The following NET1 variants were observed in gnomAD, a reference collection of about 807,000 sequenced individuals.
NET1 encodes neuroepithelial cell transforming 1, also known as neuroepithelial cell-transforming gene 1 protein.
NET1 carries 42 observed loss-of-function variants against 61.1 expected under a neutral mutation model. The ratio of observed to expected loss-of-function variants is 0.69; its 90% CI spans 0.54 to 0.89. The LOEUF is 0.89. NET1 is among the 40% of genes least tolerant of loss of function. The pLI is 0.00. For missense variants in NET1, 654 were observed against 747.3 expected (o/e 0.88, Z 1.46); for synonymous variants, 254 against 281.8 (o/e 0.90, Z 0.99).
Position 5,457,124 on chromosome 10 carries a change from T to G in NET1, c.*130T>G. The G allele has an allele frequency of 1.2e-5, 10 of 848,662 alleles. No individual in the cohort carries two copies. The highest frequency in any genetic ancestry group is 1.6e-5 in the Non-Finnish European group (10 of 609,474). 52.6% of individuals were successfully genotyped at this position (848,662 alleles called of 1,614,324 possible). On this transcript the variant is annotated 3_prime_UTR_variant, in exon 12 of 12. Transcript: ENST00000355029. This position sits in a 1 kb window ranked among gnomAD's most constrained non-coding sequence, Gnocchi z 5.4. Reference sequence around the variant, plus strand: ...GTAACATTTTCATTGTTTTTGGTTGTTCTTTTTTCTTTTTTTAATGGCAGC... The same window carrying G: ...GTAACATTTTCATTGTTTTTGGTTGGTCTTTTTTCTTTTTTTAATGGCAGC...
chr10:5,445,601 C>T (rs1242129417), intron 3 of NET1, among the ~76,000 whole-genome samples: 1 of 152,148 alleles, frequency 6.6e-6, no homozygotes, highest in East Asian at 1.9e-4. Flanking sequence ...TAAAATTTTA[C>T]CATTCCAAAT....
In NET1 at chr10:5,456,766, G is replaced by T; in HGVS notation, c.1563G>T (p.Glu521Asp). The T allele has an allele frequency of 6.2e-7, 1 of 1,613,820 alleles. No homozygotes were observed. Among genetic ancestry groups the T allele is most frequent in the Non-Finnish European group, 8.5e-7 (1 of 1,179,870 alleles). The change falls in exon 12 of 12, where the codon GAG becomes GAT. Residue 521 changes from glutamate (E) to aspartate (D), a missense_variant. Transcript: ENST00000355029. This position sits in a 1 kb window ranked among gnomAD's most constrained non-coding sequence, Gnocchi z 7.0. ...AGGGCCTGCCGGAGCTGCACGAAGA[G>T]TGTGAGGGGAACCACCCCTCTGCGA... is the stretch of plus-strand genomic sequence containing the variant. ...ELQGLPELHE[E>D]CEGNHPSARK...
At position 5,456,506 on chromosome 10, in the gene NET1, C is replaced by G. The variant is rs1043561392; in HGVS notation, c.1385-82C>G. On this transcript the variant is annotated intron_variant, in intron 11 of 11. Coordinates refer to ENST00000355029, the MANE Select transcript of NET1 (RefSeq NM_001047160.3). The surrounding 1 kb of genome is among the most constrained non-coding windows in gnomAD (Gnocchi z 7.0). ...ATAAATTGCCATAAATTGACAGTCA[C>G]GTTAAGATTGTATGACCACTTTGTC... 7.4e-7 allele frequency: 1 copy of G among 1,345,938 alleles called. No homozygotes were observed. Among genetic ancestry groups the G allele is most frequent in the East Asian group, 2.3e-5 (1 of 42,892 alleles). 83.4% of individuals were successfully genotyped at this position (1,345,938 alleles called of 1,614,324 possible).
At chr10:5,434,119 T>A (rs1175070811) in intron 3 of NET1, among the ~76,000 whole-genome samples, 5 of 152,208 alleles carry the variant, frequency 3.3e-5, no homozygotes, top group African/African-American at 1.2e-4. Flanking sequence ...CTGTCGCTCA[T>A]TTTTCAGTGC....
At position 5,454,646 on chromosome 10, in the gene NET1, C is replaced by A. The variant is rs1832768181; in HGVS notation, c.1026+124C>A. 2 of 1,157,048 alleles carry A rather than the reference C, an allele frequency of 1.7e-6. No individual in the cohort carries two copies. Among genetic ancestry groups the A allele is most frequent in the Non-Finnish European group, 1.2e-6 (1 of 823,416 alleles). 71.7% of individuals were successfully genotyped at this position (1,157,048 alleles called of 1,614,324 possible). A position where few individuals can be genotyped will look rare whatever the true frequency, so the allele number is the denominator to read the frequency against. Reference sequence around the variant, plus strand: ...TGAATTGTTTTGTTGTTTTAAGTACCCAGTGCGTTAGTACGCTGTGCACTA... The same window carrying A: ...TGAATTGTTTTGTTGTTTTAAGTACACAGTGCGTTAGTACGCTGTGCACTA... On this transcript the variant is annotated intron_variant, in intron 9 of 11. Coordinates refer to ENST00000355029, the MANE Select transcript of NET1 (RefSeq NM_001047160.3). This position sits in a 1 kb window ranked among gnomAD's most constrained non-coding sequence, Gnocchi z 8.1.
rs1832739064 is a variant in NET1, at chr10:5,453,328, T to TA, written c.674dup (p.Tyr225Ter). 8.1e-6 allele frequency: 13 copies of TA among 1,610,518 alleles called. No individual in the cohort carries two copies. The highest frequency in any genetic ancestry group is 1.1e-5 in the Non-Finnish European group (13 of 1,176,694). Reference sequence around the variant, plus strand: ...ACATATATTTGGTGATCTGGACTCTTACATACCTCTGCATGAAGGTTAGAT... The same window carrying TA: ...ACATATATTTGGTGATCTGGACTCTTAACATACCTCTGCATGAAGGTTAGAT... ...LTHIFGDLDS[Y>*]IPLHEDLLTR... The change falls in exon 7 of 12, where the codon TAC becomes TAAC. Residue 225 changes from tyrosine (Y) to a stop codon, truncating the protein, a stop_gained and frameshift_variant. Transcript: ENST00000355029. LOFTEE classifies it high-confidence loss of function. This position sits in a 1 kb window ranked among gnomAD's most constrained non-coding sequence, Gnocchi z 4.9.
At chr10:5,418,031 A>C (rs1037567404) in intron 1 of NET1, among the ~76,000 whole-genome samples, 1 of 151,940 alleles carries the variant, frequency 6.6e-6, no homozygotes, top group African/African-American at 2.4e-5. Flanking sequence ...TAGCTTTTTT[A>C]AATATATTGT....
At chr10:5,450,182 A>G (rs984246404) in intron 3 of NET1, among the ~76,000 whole-genome samples, 2 of 152,212 alleles carry the variant, frequency 1.3e-5, no homozygotes, top group South Asian at 2.1e-4. Context: ...TTTATATTCA[A>G]AGTTTTACTT....
In NET1 at chr10:5,412,903, C is replaced by A. The variant is rs1832021373; in HGVS notation, c.128+83C>A. ...GAACGGGAGGTGAGTGTTGGAGAGG[C>A]AAGGGCCGGGGGGAGGGGAGGGCTG... On this transcript the variant is annotated intron_variant, in intron 1 of 11. Coordinates refer to ENST00000355029, the MANE Select transcript of NET1 (RefSeq NM_001047160.3). The surrounding 1 kb of genome is among the most constrained non-coding windows in gnomAD (Gnocchi z 6.5). 1.1e-6 allele frequency: 1 copy of A among 887,326 alleles called. No homozygotes were observed. Among genetic ancestry groups the A allele is most frequent in the Non-Finnish European group, 1.4e-6 (1 of 708,114 alleles). The allele number at this position is 887,326 out of a possible 1,614,324, so 55.0% of individuals were successfully genotyped here.
chr10:5,434,719 T>G (rs542209661), intron 3 of NET1, among the ~76,000 whole-genome samples: 10 of 150,408 alleles, frequency 6.6e-5, no homozygotes, highest in Non-Finnish European at 1.3e-4. Context: ...TTGGTTATGC[T>G]AGTTGCTCTG....
intron 2 of NET1, among the ~76,000 whole-genome samples, chr10:5,428,717 TTTTC>T (rs1296339726): frequency 3.5e-5 from 5 of 141,214 alleles, no homozygotes; most frequent in South Asian, 2.2e-4. Context: ...CTCAAGATAA[TTTTC>T]TTTGTTTTTT....
In NET1 at chr10:5,436,164, T is replaced by G. The variant is rs1367265875; in HGVS notation, c.255+6935T>G. Among the ~76,000 whole-genome samples, 9 of 66,534 alleles carry G rather than the reference T, an allele frequency of 1.4e-4. No individual in the cohort carries two copies. In the East Asian group the frequency reaches 2.7e-3, roughly 20 times the overall value. 43.6% of individuals were successfully genotyped at this position (66,534 alleles called of 152,430 possible). On this transcript the variant is annotated intron_variant, in intron 3 of 11. Transcript: ENST00000355029. ...CGTTTTCCTAGAAGTTAAAAGGAGGTGTGTGTGTGTGTGTGTGTGTGTTGT... is the reference window on the plus strand; with the variant it reads ...CGTTTTCCTAGAAGTTAAAAGGAGGGGTGTGTGTGTGTGTGTGTGTGTTGT...
At chr10:5,436,224 G>A (rs1279861357) in intron 3 of NET1, among the ~76,000 whole-genome samples, 1 of 46,016 alleles carries the variant, frequency 2.2e-5, no homozygotes, top group Non-Finnish European at 4.0e-5. Context: ...GTGTGTGTGT[G>A]CATATATATA....
intron 3 of NET1, among the ~76,000 whole-genome samples, chr10:5,436,140 G>A (rs951431501): frequency 1.9e-4 from 25 of 133,736 alleles, no homozygotes; most frequent in South Asian, 5.0e-4. Context: ...TCAGTTTTCC[G>A]TTTTCCTAGA....
At position 5,456,081 on chromosome 10, in the gene NET1, C is replaced by T. The variant is rs771205116; in HGVS notation, c.1198-6C>T. The T allele has an allele frequency of 5.0e-6, 8 of 1,606,016 alleles. No individual in the cohort carries two copies. In the Admixed American group the frequency reaches 1.2e-4, roughly 24 times the overall value. ...CCTATTTAGCGTTTGTTTCCCATTT[C>T]TCCAGAAACTTTACATTTTCCTGTT... is the stretch of plus-strand genomic sequence containing the variant. On this transcript the variant is annotated splice_polypyrimidine_tract_variant and splice_region_variant and intron_variant, in intron 10 of 11. Coordinates refer to ENST00000355029, the MANE Select transcript of NET1 (RefSeq NM_001047160.3). The surrounding 1 kb of genome is among the most constrained non-coding windows in gnomAD (Gnocchi z 7.0).
rs1832170912 is a variant in NET1, at chr10:5,421,277, G to A, written c.129-5378G>A. On this transcript the variant is annotated intron_variant, in intron 1 of 11. Coordinates refer to ENST00000355029, the MANE Select transcript of NET1 (RefSeq NM_001047160.3). This position sits in a 1 kb window ranked among gnomAD's most constrained non-coding sequence, Gnocchi z 4.2. ...TTATTTCTGTCTTTCGGGGCCTTAG[G>A]GAAAGCCATAGAACTTTACATATCA... Among the ~76,000 whole-genome samples the A allele has an allele frequency of 6.6e-6, 1 of 152,100 alleles. No individual in the cohort carries two copies. Among genetic ancestry groups the A allele is most frequent in the African/African-American group, 2.4e-5 (1 of 41,406 alleles).
At position 5,446,706 on chromosome 10, in the gene NET1, C is replaced by T. The variant is rs978636232; in HGVS notation, c.256-5124C>T. 4.1e-6 allele frequency: 6 copies of T among 1,476,618 alleles called. No homozygotes were observed. The highest frequency in any genetic ancestry group is 4.0e-5 in the Admixed American group (2 of 50,054). The allele number at this position is 1,476,618 out of a possible 1,614,324, so 91.5% of individuals were successfully genotyped here. ...AAGCCCGTGTGCCTCTGCATAGCGT[C>T]GCTACAGCGCTGACTCGGTGTGGAT... On this transcript the variant is annotated intron_variant, in intron 3 of 11. Coordinates refer to ENST00000355029, the MANE Select transcript of NET1 (RefSeq NM_001047160.3). This position sits in a 1 kb window ranked among gnomAD's most constrained non-coding sequence, Gnocchi z 5.0.
rs1034598864 is a variant in NET1 at position 5,444,393 on chromosome 10, ATTAT to A, written c.256-7434_256-7431del. 7.9e-5 allele frequency among the ~76,000 whole-genome samples: 12 copies of A among 152,178 alleles called. No individual in the cohort carries two copies. Among genetic ancestry groups the A allele is most frequent in the African/African-American group, 2.9e-4 (12 of 41,438 alleles). On this transcript the variant is annotated intron_variant, in intron 3 of 11. Coordinates refer to ENST00000355029, the MANE Select transcript of NET1 (RefSeq NM_001047160.3). The surrounding 1 kb of genome is among the most constrained non-coding windows in gnomAD (Gnocchi z 5.3). ...AACCTTAGGCAATTACTTTTTATAG[ATTAT>A]TTGTCTTTATAAATAGTCTGCACCC...
rs1308390784 is a variant in NET1 at position 5,426,521 on chromosome 10, T to TTA, written c.129-134_129-133insTA. ...TATATATATAGACCATCTCTCATAT[T>TTA]ACTAAGATTGAATGACAAATCAGGC... On this transcript the variant is annotated intron_variant, in intron 1 of 11. Transcript: ENST00000355029. The surrounding 1 kb of genome is among the most constrained non-coding windows in gnomAD (Gnocchi z 4.6). 3.3e-6 allele frequency: 2 copies of TTA among 605,614 alleles called. No homozygotes were observed. The highest frequency in any genetic ancestry group is 5.8e-6 in the Non-Finnish European group (2 of 346,722). The allele number at this position is 605,614 out of a possible 1,614,324, so 37.5% of individuals were successfully genotyped here.
Sources: gnomAD v4.1 joint callset for allele counts (sites outside exome capture counted in the v4.1 genomes callset) on GRCh38, gnomAD v4.1.1 for gene constraint, Gnocchi (gnomAD v3.1) non-coding constraint, MANE v1.5 for transcripts, NCBI Gene and HGNC (gene_info 2026-07-23, HGNC 2026-07-21) for gene names.